Variants in ZMYM2 observed in about 807,000 individuals in gnomAD.
ZMYM2 encodes the protein zinc finger MYM-type protein 2.
A neutral mutation model predicts 162.8 loss-of-function variants in ZMYM2; 56 were observed. That is an observed-to-expected ratio of 0.34 (90% CI 0.28 to 0.43). The LOEUF (loss-of-function observed/expected upper bound fraction) is 0.43. Ranked by LOEUF, ZMYM2 falls within the 20% of genes least tolerant of loss-of-function variation. The pLI, the probability that ZMYM2 is intolerant of heterozygous loss-of-function variation, is 1.00. For missense variants in ZMYM2, 1,275 were observed against 1,621.8 expected (o/e 0.79, Z 3.67); for synonymous variants, 510 against 541.6 (o/e 0.94, Z 0.81).
the ZMYM2 span, among the ~76,000 whole-genome samples, chr13:19,901,618 G>A: frequency 2.4e-4 from 36 of 152,086 alleles, no homozygotes; most frequent in South Asian, 3.3e-3. Flanking sequence ...CGAGTAGCGG[G>A]GATTACAGGC....
At chr13:19,940,843 G>T in the ZMYM2 span, among the ~76,000 whole-genome samples, 3 of 152,114 alleles carry the variant, frequency 2.0e-5, no homozygotes, top group African/African-American at 7.2e-5. Flanking sequence ...CTATGTAACA[G>T]AAATAAATTA....
chr13:19,964,041 G>A (rs945621968), intron 2 of ZMYM2, among the ~76,000 whole-genome samples: 1 of 152,184 alleles, frequency 6.6e-6, no homozygotes, highest in African/African-American at 2.4e-5. Context: ...TTTGATTAAT[G>A]TTCTGTAAAT....
chr13:20,084,478 T>G (rs951554203), intron 24 of ZMYM2, among the ~76,000 whole-genome samples: 1 of 152,196 alleles, frequency 6.6e-6, no homozygotes, highest in Non-Finnish European at 1.5e-5. Flanking sequence ...ATATATAAAT[T>G]CATGGCATGT....
At chr13:19,904,299 G>A in the ZMYM2 span, among the ~76,000 whole-genome samples, 1 of 152,060 alleles carries the variant, frequency 6.6e-6, no homozygotes, top group Admixed American at 6.6e-5. Context: ...GCTCATGCCT[G>A]TAATCCCAGC....
At chr13:19,892,715 T>A in the ZMYM2 span, among the ~76,000 whole-genome samples, 1 of 151,622 alleles carries the variant, frequency 6.6e-6, no homozygotes, top group Admixed American at 6.6e-5. Flanking sequence ...AAATTTTTTA[T>A]TTTAACCTTT....
At chr13:19,974,265 C>T (rs886342631) in intron 2 of ZMYM2, among the ~76,000 whole-genome samples, 7 of 152,082 alleles carry the variant, frequency 4.6e-5, no homozygotes, top group Non-Finnish European at 8.8e-5. Flanking sequence ...GTGTGTGGTG[C>T]GTTTATGCAT....
At chr13:20,051,721 G>T (rs367608216) in intron 13 of ZMYM2, 123 bp downstream of exon 13, 2 of 966,894 alleles carry the variant, frequency 2.1e-6, no homozygotes, top group South Asian at 4.5e-5. Flanking sequence ...CTTAAATTCC[G>T]TAGATTCTCT....
intron 2 of ZMYM2, among the ~76,000 whole-genome samples, chr13:19,983,345 C>T (rs983517465): frequency 1.3e-5 from 2 of 152,002 alleles, no homozygotes; most frequent in Non-Finnish European, 2.9e-5. Flanking sequence ...GGGGTTTTGC[C>T]GTGTTGGCCA....
the ZMYM2 span, among the ~76,000 whole-genome samples, chr13:19,876,398 C>T: frequency 6.6e-6 from 1 of 151,980 alleles, no homozygotes. Context: ...TCTCGGCTCA[C>T]TGCAACCTCC....
At chr13:19,872,324 C>T in the ZMYM2 span, among the ~76,000 whole-genome samples, 2 of 151,978 alleles carry the variant, frequency 1.3e-5, no homozygotes, top group African/African-American at 4.8e-5. Context: ...CTGAGGCGGG[C>T]AGATCAGTTG....
At chr13:19,932,869 GT>G in the ZMYM2 span, among the ~76,000 whole-genome samples, 1 of 152,126 alleles carries the variant, frequency 6.6e-6, no homozygotes, top group Admixed American at 6.6e-5. Context: ...TTGTTTGTTT[GT>G]TTGTTTGTAT....
intron 16 of ZMYM2, 118 bp downstream of exon 16, chr13:20,059,680 A>T (rs1169764030): frequency 3.6e-6 from 2 of 561,106 alleles, no homozygotes; most frequent in African/African-American, 3.0e-5. Flanking sequence ...ACATATGTGG[A>T]TGATTTTTTT....
At chr13:19,970,795 A>C (rs1956246679) in intron 2 of ZMYM2, among the ~76,000 whole-genome samples, 1 of 152,138 alleles carries the variant, frequency 6.6e-6, no homozygotes, top group Non-Finnish European at 1.5e-5. Context: ...AACAAACATA[A>C]CTACAAATTG....
intron 2 of ZMYM2, among the ~76,000 whole-genome samples, chr13:19,975,548 A>C (rs1004437660): frequency 2.0e-5 from 3 of 152,250 alleles, no homozygotes; most frequent in Admixed American, 6.5e-5. Flanking sequence ...ATGTTTACCA[A>C]CATTTTATTT....
At chr13:19,876,338 T>G in the ZMYM2 span, among the ~76,000 whole-genome samples, 1 of 149,748 alleles carries the variant, frequency 6.7e-6, no homozygotes, top group African/African-American at 2.5e-5. Context: ...CTTTTACTTT[T>G]TTGAGATGGA....
the ZMYM2 span, among the ~76,000 whole-genome samples, chr13:19,910,063 A>G: frequency 1.1e-4 from 17 of 151,618 alleles, no homozygotes; most frequent in South Asian, 3.6e-3. Context: ...AAAAAAAAAA[A>G]AAAAATACAA....
At chr13:19,945,077 AC>A in the ZMYM2 span, among the ~76,000 whole-genome samples, 1 of 152,248 alleles carries the variant, frequency 6.6e-6, no homozygotes, top group Non-Finnish European at 1.5e-5. Flanking sequence ...ATTATAAAGA[AC>A]TACCATAGTA....
At chr13:20,011,584 T>A (rs946763813) in intron 6 of ZMYM2, among the ~76,000 whole-genome samples, 11 of 150,824 alleles carry the variant, frequency 7.3e-5, no homozygotes, top group Admixed American at 2.0e-4. Context: ...TTTTATTTTT[T>A]TTTTTTTTGA....
intron 2 of ZMYM2, among the ~76,000 whole-genome samples, chr13:19,974,808 A>G (rs1290229888): frequency 6.6e-6 from 1 of 152,164 alleles, no homozygotes; most frequent in African/African-American, 2.4e-5. Context: ...TGTTGGATGG[A>G]TGCCTAAAAG....
Sources: gnomAD v4.1 joint callset for allele counts (sites outside exome capture counted in the v4.1 genomes callset) on GRCh38, gnomAD v4.1.1 for gene constraint, MANE v1.5 for transcripts, NCBI Gene and HGNC (gene_info 2026-07-23, HGNC 2026-07-21) for gene names.